The following PCSK6 variants were observed in gnomAD, a reference collection of about 807,000 sequenced individuals.
PCSK6 encodes the protein proprotein convertase subtilisin/kexin type 6.
Under a neutral mutation model 123.3 loss-of-function variants are expected in PCSK6, and 85 were observed. The observed-to-expected ratio is 0.69, with a 90% confidence interval of 0.58 to 0.83. PCSK6 has a LOEUF of 0.83. Ranked by LOEUF, PCSK6 falls within the 40% of genes least tolerant of loss-of-function variation. PCSK6 has a pLI of 0.00. For missense variants in PCSK6, 1,191 were observed against 1,282.3 expected (o/e 0.93, Z 1.09); for synonymous variants, 508 against 516.0 (o/e 0.98, Z 0.21).
In PCSK6 at chr15:101,352,619, C is replaced by T. The variant is rs960912497; in HGVS notation, c.1858+13577G>A. On this transcript the variant is annotated intron_variant, in intron 13 of 21. Transcript: ENST00000611716. Reference sequence around the variant, plus strand: ...TCTGTGGCTTTATTAACGGACTATCCGTACTGTTCCCTTGATCGGTCTATT... The same window carrying T: ...TCTGTGGCTTTATTAACGGACTATCTGTACTGTTCCCTTGATCGGTCTATT... 5.9e-5 allele frequency among the ~76,000 whole-genome samples: 9 copies of T among 152,306 alleles called. No individual in the cohort carries two copies. The South Asian group carries it at 1.2e-3, about 21-fold the overall frequency.
chr15:101,310,945 C>G (rs894591817), intron 20 of PCSK6, among the ~76,000 whole-genome samples: 3 of 152,164 alleles, frequency 2.0e-5, no homozygotes, highest in African/African-American at 4.8e-5. Flanking sequence ...GAACATTTGT[C>G]CCCTCCAAGT....
intron 6 of PCSK6, among the ~76,000 whole-genome samples, chr15:101,417,094 A>G (rs528867835): frequency 6.6e-6 from 1 of 152,294 alleles, no homozygotes; most frequent in South Asian, 2.1e-4. Flanking sequence ...AAGCTACTAT[A>G]TTATATTATA....
In PCSK6 at chr15:101,351,847, T is replaced by A. The variant is rs139950794; in HGVS notation, c.1858+14349A>T. On this transcript the variant is annotated intron_variant, in intron 13 of 21. Transcript: ENST00000611716. The stretch of plus-strand genomic sequence containing the variant: ...CATGAAACAGAAGACTCAATTCAAC[T>A]GAACATGTAAACAGGGCAGAGTGGG... Among the ~76,000 whole-genome samples the A allele has an allele frequency of 3.3e-5, 5 of 152,242 alleles. No individual in the cohort carries two copies. The East Asian group carries it at 9.6e-4, about 29-fold the overall frequency.
At chr15:101,320,931 C>A (rs2040106666) in intron 18 of PCSK6, among the ~76,000 whole-genome samples, 1 of 152,160 alleles carries the variant, frequency 6.6e-6, no homozygotes, top group Admixed American at 6.5e-5. Flanking sequence ...GAGGCGTTTT[C>A]TCTTTAGCAC....
intron 6 of PCSK6, among the ~76,000 whole-genome samples, chr15:101,413,740 C>A (rs2055786734): frequency 6.6e-6 from 1 of 152,130 alleles, no homozygotes. Flanking sequence ...ATGACGGATA[C>A]CCCAAATGCC....
chr15:101,383,825 A>G (rs1245260277), intron 10 of PCSK6, among the ~76,000 whole-genome samples: 1 of 152,164 alleles, frequency 6.6e-6, no homozygotes, highest in African/African-American at 2.4e-5. Context: ...ACTACATATC[A>G]AACCTATGAT....
At chr15:101,467,744 TG>T (rs549919366) in intron 1 of PCSK6, among the ~76,000 whole-genome samples, 1 of 152,134 alleles carries the variant, frequency 6.6e-6, no homozygotes, top group East Asian at 1.9e-4. Context: ...GATGTTAAAC[TG>T]GGGGGAGAAA....
At chr15:101,409,311 C>A (rs577899633) in intron 6 of PCSK6, among the ~76,000 whole-genome samples, 2 of 151,682 alleles carry the variant, frequency 1.3e-5, no homozygotes, top group Non-Finnish European at 2.9e-5. Context: ...CAAGGCCAGG[C>A]GCAGTGGCTC....
chr15:101,319,007 C>T (rs907636083), intron 18 of PCSK6, among the ~76,000 whole-genome samples: 1 of 152,218 alleles, frequency 6.6e-6, no homozygotes, highest in African/African-American at 2.4e-5. Context: ...CACTTCACTC[C>T]AGCCAGCCGA....
intron 6 of PCSK6, among the ~76,000 whole-genome samples, chr15:101,421,833 C>T (rs529802376): frequency 2.6e-4 from 39 of 152,296 alleles, no homozygotes; most frequent in African/African-American, 8.4e-4. Context: ...ATGACTGCCA[C>T]TCAGCAATAG....
intron 1 of PCSK6, among the ~76,000 whole-genome samples, chr15:101,450,969 C>T (rs1474398388): frequency 6.6e-6 from 1 of 151,578 alleles, no homozygotes; most frequent in Non-Finnish European, 1.5e-5. Flanking sequence ...GAGAAGAACT[C>T]TCGGGCGCAG....
chr15:101,343,786 C>T (rs1043373501), intron 13 of PCSK6, among the ~76,000 whole-genome samples: 2 of 152,164 alleles, frequency 1.3e-5, no homozygotes, highest in East Asian at 1.9e-4. Context: ...ATCTTCCATT[C>T]GTGTTTGAAA....
intron 13 of PCSK6, among the ~76,000 whole-genome samples, chr15:101,337,681 TTTCTC>T (rs1251786425): frequency 2.0e-5 from 3 of 152,366 alleles, no homozygotes; most frequent in East Asian, 1.9e-4. Flanking sequence ...TGTTCACTGT[TTTCTC>T]TTCCTTCAGC....
At chr15:101,318,693 C>T (rs1198952507) in intron 18 of PCSK6, among the ~76,000 whole-genome samples, 1 of 152,262 alleles carries the variant, frequency 6.6e-6, no homozygotes, top group East Asian at 1.9e-4. Flanking sequence ...CTTTTTCTTA[C>T]TGTCATTTCT....
At chr15:101,403,660 G>A (rs190147356) in intron 6 of PCSK6, among the ~76,000 whole-genome samples, 3 of 152,274 alleles carry the variant, frequency 2.0e-5, no homozygotes, top group Admixed American at 2.0e-4. Flanking sequence ...GTCACCCCCA[G>A]CTTCTCAGAG....
intron 13 of PCSK6, among the ~76,000 whole-genome samples, chr15:101,357,239 C>A (rs936117607): frequency 5.4e-4 from 82 of 152,282 alleles, no homozygotes; most frequent in African/African-American, 1.7e-3. Context: ...CTGCACTGTG[C>A]CTGGCACTGA....
At chr15:101,431,255 T>C in intron 4 of PCSK6, 65 bp downstream of exon 4, 1 of 1,562,958 alleles carries the variant, frequency 6.4e-7, no homozygotes, top group Non-Finnish European at 8.8e-7. Context: ...GTTTTTAAAC[T>C]TGCATTTACT....
chr15:101,418,637 C>T lies in PCSK6; in HGVS notation c.823+9255G>A, dbSNP rs191330723. 9.8e-3 allele frequency among the ~76,000 whole-genome samples: 1,484 copies of T among 151,900 alleles called. 16 individuals carry two copies. The highest frequency in any genetic ancestry group is 0.02 in the Middle Eastern group (6 of 294). On this transcript the variant is annotated intron_variant, in intron 6 of 21. Coordinates refer to ENST00000611716, the MANE Select transcript of PCSK6 (RefSeq NM_002570.5). ...AAGCGATTCTCCTGCCTCAGCCTCC[C>T]GAGTAGCTGGGATTACAGGTGCCTG...
At chr15:101,390,353 C>G (rs116521928) in intron 8 of PCSK6, among the ~76,000 whole-genome samples, 31,592 of 50,682 alleles carry the variant, frequency 0.62, 8,815 homozygotes, top group Non-Finnish European at 0.68. Flanking sequence ...GTGGGATTGT[C>G]GCCCCATCAT....
Sources: gnomAD v4.1 joint callset for allele counts (sites outside exome capture counted in the v4.1 genomes callset) on GRCh38, gnomAD v4.1.1 for gene constraint, MANE v1.5 for transcripts, NCBI Gene and HGNC (gene_info 2026-07-23, HGNC 2026-07-21) for gene names.